SAMD12: variants seen among roughly 807,000 people sequenced by gnomAD.
SAMD12 encodes sterile alpha motif domain-containing protein 12.
SAMD12 carries 9 observed loss-of-function variants against 15.0 expected under a neutral mutation model. That is an observed-to-expected ratio of 0.60 (90% CI 0.36 to 1.05). SAMD12 has a LOEUF of 1.05. SAMD12 is among the 50% of genes least tolerant of loss of function. The pLI is 0.01. For synonymous variants in SAMD12, 86 were observed against 90.1 expected (o/e 0.96, Z 0.25); for missense variants, 230 against 234.2 (o/e 0.98, Z 0.12).
intron 4 of SAMD12, among the ~76,000 whole-genome samples, chr8:118,231,342 C>T (rs1268745152): frequency 1.3e-5 from 2 of 152,112 alleles, no homozygotes; most frequent in Non-Finnish European, 2.9e-5. Flanking sequence ...GATCACTTGG[C>T]AAGCATAATA....
intron 4 of SAMD12, among the ~76,000 whole-genome samples, chr8:118,208,529 T>A (rs1819931278): frequency 6.6e-6 from 1 of 152,198 alleles, no homozygotes; most frequent in African/African-American, 2.4e-5. Context: ...CACTGGCTAC[T>A]CCTGAAAGAA....
intron 3 of SAMD12, among the ~76,000 whole-genome samples, chr8:118,382,572 A>G (rs1471083922): frequency 2.0e-5 from 3 of 152,218 alleles, no homozygotes; most frequent in Non-Finnish European, 4.4e-5. Context: ...TCAGTTATAA[A>G]AGTTTATTCA....
intron 4 of SAMD12, among the ~76,000 whole-genome samples, chr8:118,363,979 C>T (rs1031265103): frequency 2.6e-5 from 4 of 152,152 alleles, no homozygotes; most frequent in Admixed American, 2.6e-4. Context: ...ATTTGGGAAA[C>T]TTTATATAGA....
chr8:118,336,857 T>C (rs1817101567), intron 4 of SAMD12, among the ~76,000 whole-genome samples: 1 of 152,244 alleles, frequency 6.6e-6, no homozygotes, highest in South Asian at 2.1e-4. Context: ...TCATGTCCTT[T>C]GTAGGGACAT....
At chr8:118,544,112 G>C (rs190551224) in intron 2 of SAMD12, among the ~76,000 whole-genome samples, 4 of 151,986 alleles carry the variant, frequency 2.6e-5, no homozygotes, top group Admixed American at 6.6e-5. Context: ...CGAGTCCGTC[G>C]GCTCTTCTCC....
chr8:118,433,699 T>C (rs1822489914), intron 3 of SAMD12, among the ~76,000 whole-genome samples: 1 of 152,094 alleles, frequency 6.6e-6, no homozygotes, highest in African/African-American at 2.4e-5. Context: ...ACTATGTAAA[T>C]ATAAAATTAT....
the SAMD12 span, among the ~76,000 whole-genome samples, chr8:118,137,863 G>A: frequency 6.6e-6 from 1 of 152,108 alleles, no homozygotes; most frequent in Admixed American, 6.5e-5. Context: ...ATACGGCTGT[G>A]GGTTGGACAA....
At chr8:118,138,455 G>A in the SAMD12 span, among the ~76,000 whole-genome samples, 1 of 152,112 alleles carries the variant, frequency 6.6e-6, no homozygotes, top group Non-Finnish European at 1.5e-5. Context: ...AAGGAGGCTC[G>A]GGTGAGACCC....
intron 3 of SAMD12, among the ~76,000 whole-genome samples, chr8:118,422,544 T>A (rs984816909): frequency 1.3e-5 from 2 of 152,088 alleles, no homozygotes; most frequent in African/African-American, 4.8e-5. Context: ...CAGGACAGGA[T>A]GGATTGTTGT....
chr8:118,567,375 T>C (rs569392250), intron 2 of SAMD12, among the ~76,000 whole-genome samples: 1 of 152,178 alleles, frequency 6.6e-6, no homozygotes, highest in East Asian at 1.9e-4. Context: ...GTTCTAGTTC[T>C]GGCCTGTTAA....
intron 3 of SAMD12, among the ~76,000 whole-genome samples, chr8:118,421,080 T>A (rs1821975060): frequency 6.6e-6 from 1 of 152,192 alleles, no homozygotes; most frequent in African/African-American, 2.4e-5. Context: ...CCTAATATGG[T>A]CTTACCTATT....
At chr8:118,374,333 A>C (rs1819266497), downstream of SAMD12, among the ~76,000 whole-genome samples, 1 of 152,118 alleles carries the variant, frequency 6.6e-6, no homozygotes, top group African/African-American at 2.4e-5. Context: ...TTAAAGGCCG[A>C]ATAATATTGC....
chr8:118,146,005 C>T, the SAMD12 span, among the ~76,000 whole-genome samples: 1 of 152,190 alleles, frequency 6.6e-6, no homozygotes, highest in Non-Finnish European at 1.5e-5. Context: ...AACCCCATGG[C>T]TGCCACATAG....
At chr8:118,540,676 A>C (rs1357176195) in intron 2 of SAMD12, among the ~76,000 whole-genome samples, 1 of 149,740 alleles carries the variant, frequency 6.7e-6, no homozygotes, top group Non-Finnish European at 1.5e-5. Flanking sequence ...CTGCTCCTTA[A>C]GCCTGCACCA....
intron 2 of SAMD12, among the ~76,000 whole-genome samples, chr8:118,578,842 T>C (rs1368767794): frequency 2.0e-5 from 3 of 152,202 alleles, no homozygotes; most frequent in Admixed American, 2.0e-4. Flanking sequence ...ATGATGGCAG[T>C]GTGAAAAACC....
chr8:118,160,564 G>C, the SAMD12 span, among the ~76,000 whole-genome samples: 1 of 152,192 alleles, frequency 6.6e-6, no homozygotes, highest in African/African-American at 2.4e-5. Context: ...ATGGTCAACT[G>C]ATTTTCCACA....
chr8:118,359,175 A>G (rs1245696259), intron 4 of SAMD12, among the ~76,000 whole-genome samples: 1 of 152,116 alleles, frequency 6.6e-6, no homozygotes, highest in Non-Finnish European at 1.5e-5. Flanking sequence ...TTAAAGAGGC[A>G]ATTAAGTTAA....
the SAMD12 span, among the ~76,000 whole-genome samples, chr8:118,167,774 T>C: frequency 5.9e-5 from 9 of 151,956 alleles, no homozygotes; most frequent in Admixed American, 2.6e-4. Context: ...AGTCCTAACA[T>C]CTCCTCACAG....
chr8:118,337,770 A>G (rs1393030662), intron 4 of SAMD12, among the ~76,000 whole-genome samples: 1 of 152,202 alleles, frequency 6.6e-6, no homozygotes, highest in Non-Finnish European at 1.5e-5. Context: ...TCCAAAGCTC[A>G]AGAGTAGTGA....
Sources: gnomAD v4.1 joint callset for allele counts (sites outside exome capture counted in the v4.1 genomes callset) on GRCh38, gnomAD v4.1.1 for gene constraint, MANE v1.5 for transcripts, NCBI Gene and HGNC (gene_info 2026-07-23, HGNC 2026-07-21) for gene names.